HSPG2: variants seen among roughly 807,000 people sequenced by gnomAD.
HSPG2 encodes the protein heparan sulfate proteoglycan 2, also known as basement membrane-specific heparan sulfate proteoglycan core protein.
Under a neutral mutation model 526.6 loss-of-function variants are expected in HSPG2, and 278 were observed. The ratio of observed to expected loss-of-function variants is 0.53; its 90% CI spans 0.48 to 0.58. The LOEUF (loss-of-function observed/expected upper bound fraction) is 0.58. Among genes scored for constraint, HSPG2 ranks in the 20% least tolerant of loss-of-function variants. The pLI is 0.00. For synonymous variants in HSPG2, 2,465 were observed against 2,555.4 expected, an observed-to-expected ratio of 0.96 and a Z score of 1.07; for missense variants, 5,354 against 6,099.5, an observed-to-expected ratio of 0.88 and a Z score of 4.07.
intron 81 of HSPG2, 150 bp downstream of exon 81, chr1:21,832,345 T>G: frequency 3.0e-6 from 2 of 672,548 alleles, no homozygotes; most frequent in Non-Finnish European, 5.4e-6. Context: ...ATACTATTCC[T>G]ACTCTAGCAG....
chr1:21,864,742 T>G lies in HSPG2; in HGVS notation c.4626+101A>C. 1 of 949,422 alleles carries G rather than the reference T, an allele frequency of 1.1e-6. No individual in the cohort carries two copies. Among genetic ancestry groups the G allele is most frequent in the Non-Finnish European group, 1.6e-6 (1 of 607,348 alleles). The allele number at this position is 949,422 out of a possible 1,614,324, so 58.8% of individuals were successfully genotyped here. The stretch of plus-strand genomic sequence containing the variant: ...ATGCAGGGCCCAGATGCAGGGGTCA[T>G]TATAGTTATGATGGTAATCAAGGCT... On this transcript the variant is annotated intron_variant, in intron 36 of 96. Transcript: ENST00000374695. The surrounding 1 kb of genome is among the most constrained non-coding windows in gnomAD (Gnocchi z 4.8).
rs958914471 is a variant in HSPG2 at position 21,832,163 on chromosome 1, C to G, written c.11207+332G>C. 2.0e-5 allele frequency among the ~76,000 whole-genome samples: 3 copies of G among 152,306 alleles called. No individual in the cohort carries two copies. The South Asian group carries it at 6.2e-4, about 32-fold the overall frequency. Reference sequence around the variant, plus strand: ...CTTCCCCAGTGAGAATACACCTCTTCCCACAAGAGCCAGAATTTGGTCTGT... The same window carrying G: ...CTTCCCCAGTGAGAATACACCTCTTGCCACAAGAGCCAGAATTTGGTCTGT... On this transcript the variant is annotated intron_variant, in intron 81 of 96. Transcript: ENST00000374695.
rs903988063 is a variant in HSPG2, at chr1:21,829,486, G to A, written c.11889C>T (p.Asp3963=). 5 of 1,613,416 alleles carry A rather than the reference G, an allele frequency of 3.1e-6. No homozygotes were observed. Among genetic ancestry groups the A allele is most frequent in the Non-Finnish European group, 2.5e-6 (3 of 1,179,872 alleles). The part of the protein sequence containing the change: ...LDVEFKPLAP[D]GVLLFSGGKS... ...TCCCCCCGCTGAACAGCAGGACCCC[G>A]TCAGGGGCGAGTGGCTTGAACTCCA... The change falls in exon 87 of 97, where the codon GAC becomes GAT. Residue 3963 remains aspartate (D), a synonymous_variant. Transcript: ENST00000374695.
Position 21,934,842 on chromosome 1 carries a change from G to A in HSPG2, c.63+2313C>T, listed in dbSNP as rs559734067. ...GAACTCCTGACCTCATGATCCGCTC[G>A]CCTCGGCCTCCCAAAGTCCTGGGAT... On this transcript the variant is annotated intron_variant, in intron 1 of 96. Coordinates refer to ENST00000374695, the MANE Select transcript of HSPG2 (RefSeq NM_005529.7). Among the ~76,000 whole-genome samples, 16 of 151,666 alleles carry A rather than the reference G, an allele frequency of 1.1e-4. No individual in the cohort carries two copies. The South Asian group carries it at 1.5e-3, about 14-fold the overall frequency.
intron 86 of HSPG2, 128 bp from the exon 87 acceptor site, chr1:21,829,732 G>A: frequency 1.2e-6 from 1 of 836,634 alleles, no homozygotes; most frequent in Non-Finnish European, 1.8e-6. Flanking sequence ...GGACCAGTTG[G>A]CACCAGCTGC....
At chr1:21,835,933 G>A (rs547051240) in intron 75 of HSPG2, among the ~76,000 whole-genome samples, 19 of 143,834 alleles carry the variant, frequency 1.3e-4, no homozygotes, top group Non-Finnish European at 1.9e-4. Flanking sequence ...GCAGTAAGCC[G>A]AGATTGCGCC....
chr1:21,888,110 G>A, intron 6 of HSPG2, 44 bp from the exon 7 acceptor site: 1 of 1,611,312 alleles, frequency 6.2e-7, no homozygotes, highest in Non-Finnish European at 8.5e-7. Context: ...GGCGGCAGGA[G>A]GCAGGTGCGG....
chr1:21,829,427 G>C lies in HSPG2; in HGVS notation c.11948C>G (p.Ala3983Gly), dbSNP rs756096314. ...SGPVEDFVSL[A>G]MVGGHLEFRY... Reference sequence around the variant, plus strand: ...GAACTCCAGGTGGCCGCCCACCATCGCCAGGGACACGAAGTCCTCCACAGG... The same window carrying C: ...GAACTCCAGGTGGCCGCCCACCATCCCCAGGGACACGAAGTCCTCCACAGG... Residue 3983 changes from alanine (A) to glycine (G), a missense_variant, in exon 87 of 97, where the codon GCG (alanine) becomes GGG (glycine). Coordinates refer to ENST00000374695, the MANE Select transcript of HSPG2 (RefSeq NM_005529.7). 4 of 1,613,276 alleles carry C rather than the reference G, an allele frequency of 2.5e-6. No individual in the cohort carries two copies. The highest frequency in any genetic ancestry group is 8.5e-7 in the Non-Finnish European group (1 of 1,179,896).
chr1:21,836,563 T>A (rs1303443018), intron 75 of HSPG2, among the ~76,000 whole-genome samples: 1 of 152,202 alleles, frequency 6.6e-6, no homozygotes, highest in Non-Finnish European at 1.5e-5. Flanking sequence ...CCTCAGGTGA[T>A]CTGCCCGCCT....
rs545547998 is a variant in HSPG2 at position 21,862,103 on chromosome 1, T to C, written c.4753A>G (p.Asn1585Asp). 5.6e-6 allele frequency: 9 copies of C among 1,613,244 alleles called. 1 individual carries two copies. The Admixed American group carries it at 1.3e-4, about 24-fold the overall frequency. Residue 1585 changes from asparagine to aspartate, a missense_variant, in exon 38 of 97, where the codon AAC (asparagine) becomes GAC (aspartate). Transcript: ENST00000374695. ...AGCTCGCAGAACTCCCCTGCGGCGT[T>C]GTGCTGGCATTGCTGCAGGGCACAA... ...ETGACSQCQHNAAGEFCELCA... is the reference protein window; with the variant it reads ...ETGACSQCQHDAAGEFCELCA...
In HSPG2 at chr1:21,879,051, T is replaced by C. The variant is rs1572339006; in HGVS notation, c.2414A>G (p.Lys805Arg). 2.5e-6 allele frequency: 4 copies of C among 1,614,228 alleles called. No individual in the cohort carries two copies. Among genetic ancestry groups the C allele is most frequent in the Non-Finnish European group, 3.4e-6 (4 of 1,180,040 alleles). The change falls in exon 18 of 97, where the codon AAG becomes AGG. Residue 805 changes from lysine to arginine, a missense_variant. By Grantham distance (26) the Lys-to-Arg change is conservative. Coordinates refer to ENST00000374695, the MANE Select transcript of HSPG2 (RefSeq NM_005529.7). ...GGGCCGGCAGGAAGTGGCCGTGGCCTTCATGGCGTCCCCAAAGAAGCCAGC... is the reference window on the plus strand; with the variant it reads ...GGGCCGGCAGGAAGTGGCCGTGGCCCTCATGGCGTCCCCAAAGAAGCCAGC... ...CKAGFFGDAM[K>R]ATATSCRPCP...
Position 21,850,036 on chromosome 1 carries a change from C to T in HSPG2, c.7446+5G>A, listed in dbSNP as rs1187298928. The T allele has an allele frequency of 1.2e-6, 2 of 1,612,914 alleles. No individual in the cohort carries two copies. The highest frequency in any genetic ancestry group is 8.5e-7 in the Non-Finnish European group (1 of 1,180,000). ...CTTCAGGCTTCCTGAGCTCCTGCCT[C>T]CTACCTGGTGCCGGGCCGGGAGGCT... On this transcript the variant is annotated splice_donor_5th_base_variant and intron_variant, in intron 57 of 96. Transcript: ENST00000374695.
Position 21,885,151 on chromosome 1 carries a change from G to A in HSPG2, c.1217C>T (p.Pro406Leu), listed in dbSNP as rs776504058. The A allele has an allele frequency of 1.6e-5, 26 of 1,608,818 alleles. No homozygotes were observed. In the South Asian group the frequency reaches 1.9e-4, roughly 12 times the overall value. ...CTCCCGGGGAGGTGTCACCACCTGG[G>A]GGGGCACTGAGGAGACCAGGGCAGG... ...DRSDEFGCMP[P>L]QVVTPPRESI... The change falls in exon 11 of 97, where the codon CCC becomes CTC. Residue 406 changes from proline (P) to leucine (L), a missense_variant. Coordinates refer to ENST00000374695, the MANE Select transcript of HSPG2 (RefSeq NM_005529.7).
Position 21,880,568 on chromosome 1 carries a change from G to A in HSPG2, c.1999-9C>T, listed in dbSNP as rs1166875557. 1 of 1,612,752 alleles carries A rather than the reference G, an allele frequency of 6.2e-7. No homozygotes were observed. The highest frequency in any genetic ancestry group is 1.1e-5 in the South Asian group (1 of 90,912). ...TCATGGACCCAGTGCTCCTGGGTATGGGTGAAGGTGGCAGGGGTCACACAT... is the reference window on the plus strand; with the variant it reads ...TCATGGACCCAGTGCTCCTGGGTATAGGTGAAGGTGGCAGGGGTCACACAT... On this transcript the variant is annotated splice_polypyrimidine_tract_variant and intron_variant, in intron 15 of 96. Transcript: ENST00000374695.
At chr1:21,860,103 A>G in intron 40 of HSPG2, 74 bp downstream of exon 40, 1 of 1,604,348 alleles carries the variant, frequency 6.2e-7, no homozygotes, top group South Asian at 1.1e-5. Context: ...CTGTCCCCAG[A>G]CCCAGTATCC....
chr1:21,837,147 T>G, intron 74 of HSPG2, 141 bp from the exon 75 acceptor site: 2 of 775,194 alleles, frequency 2.6e-6, no homozygotes, highest in Non-Finnish European at 4.4e-6. Flanking sequence ...AAAAGACCGT[T>G]CAGTGGCAGA....
intron 74 of HSPG2, 120 bp downstream of exon 74, chr1:21,838,705 A>T: frequency 9.5e-7 from 1 of 1,054,734 alleles, no homozygotes. Context: ...AGTAGGGGAG[A>T]TGAGGGCATT....
chr1:21,870,167 C>T lies in HSPG2; in HGVS notation c.4221+2019G>A, dbSNP rs535479902. ...CCTGGACTCAGCTCTCTGGTCTCCT[C>T]GCTGTGGCCCTAGGTACAACCTGTC... On this transcript the variant is annotated intron_variant, in intron 33 of 96. Transcript: ENST00000374695. 6 of 851,810 alleles carry T rather than the reference C, an allele frequency of 7.0e-6. No homozygotes were observed. In the East Asian group the frequency reaches 3.7e-4, roughly 52 times the overall value. 52.8% of individuals were successfully genotyped at this position (851,810 alleles called of 1,614,324 possible).
intron 1 of HSPG2, among the ~76,000 whole-genome samples, chr1:21,927,128 G>C (rs1644218457): frequency 6.6e-6 from 1 of 152,170 alleles, no homozygotes; most frequent in African/African-American, 2.4e-5. Context: ...AGCATCTGTG[G>C]AGTGACCCGA....
Sources: allele counts gnomAD v4.1 joint callset (sites outside exome capture counted in the v4.1 genomes callset), GRCh38; gene constraint gnomAD v4.1.1; non-coding constraint Gnocchi (gnomAD v3.1); transcripts MANE v1.5; gene names NCBI Gene and HGNC (gene_info 2026-07-23, HGNC 2026-07-21).